Variants in MLX observed in about 807,000 individuals in gnomAD.
The protein encoded by MLX is max-like protein X.
Under a neutral mutation model 33.0 loss-of-function variants are expected in MLX, and 15 were observed. The ratio of observed to expected loss-of-function variants is 0.45; its 90% confidence interval spans 0.30 to 0.70. The LOEUF (loss-of-function observed/expected upper bound fraction) is 0.70. Among genes scored for constraint, MLX ranks in the 30% least tolerant of loss-of-function variants. The pLI is 0.07. For missense variants in MLX, 285 were observed against 306.3 expected (o/e 0.93, Z 0.52); for synonymous variants, 115 against 115.6 (o/e 0.99, Z 0.03).
chr17:42,568,405 G>A (rs2093017563), intron 2 of MLX, 65 bp from the exon 3 acceptor site: 1 of 1,073,946 alleles, frequency 9.3e-7, no homozygotes, highest in East Asian at 2.4e-5. Context: ...GTGTCCTACA[G>A]GTGTCTGAGG....
At chr17:42,569,122 C>A in intron 4 of MLX, 82 bp from the exon 5 acceptor site, 2 of 1,402,134 alleles carry the variant, frequency 1.4e-6, no homozygotes, top group Non-Finnish European at 2.0e-6. Context: ...GAGCATAGAA[C>A]TTGGTGTCAT....
intron 7 of MLX, 71 bp downstream of exon 7, chr17:42,570,254 C>T: frequency 6.7e-7 from 1 of 1,498,296 alleles, no homozygotes; most frequent in South Asian, 1.2e-5. Context: ...AAGCCATCAG[C>T]TGTTGAGAAA....
chr17:42,573,102 CTTACAAAGAACTGCTTCT>C lies in MLX; in HGVS notation c.*1501_*1518del. 1 of 1,614,248 alleles carries C rather than the reference CTTACAAAGAACTGCTTCT, an allele frequency of 6.2e-7. No homozygotes were observed. Among genetic ancestry groups the C allele is most frequent in the Non-Finnish European group, 8.5e-7 (1 of 1,180,034 alleles). On this transcript the variant is annotated 3_prime_UTR_variant, in exon 8 of 8. Coordinates refer to ENST00000435881, the MANE Select transcript of MLX (RefSeq NM_198204.2). ...GAAGCAAAGAAGGAAGAGAGCTCCA[CTTACAAAGAACTGCTTCT>C]TGCTCTTGGGGTATCCTTCAAGTAT...
At chr17:42,569,433 G>A (rs1176943585) in intron 5 of MLX, 74 bp from the exon 6 acceptor site, 46 of 1,513,512 alleles carry the variant, frequency 3.0e-5, no homozygotes, top group Non-Finnish European at 4.0e-5. Context: ...TGGGGTAAGG[G>A]GAACAAAGTC....
Position 42,572,663 on chromosome 17 carries a change from A to T in MLX, c.*1060A>T, listed in dbSNP as rs1567911273. The T allele has an allele frequency of 7.5e-6, 3 of 399,408 alleles. No homozygotes were observed. The highest frequency in any genetic ancestry group is 1.5e-5 in the Non-Finnish European group (3 of 201,156). 24.7% of individuals were successfully genotyped at this position (399,408 alleles called of 1,614,324 possible). A position where few individuals can be genotyped will look rare whatever the true frequency, so the allele number is the denominator to read the frequency against. On this transcript the variant is annotated 3_prime_UTR_variant, in exon 8 of 8. Transcript: ENST00000435881. ...TTTGACTATCCAGAGGAAATTAAAT[A>T]TTTTTATATAAAATTAAATTATAAT... is the stretch of plus-strand genomic sequence containing the variant.
rs778946049 is a variant in MLX, at chr17:42,573,004, C to T, written c.*1401C>T. Reference sequence around the variant, plus strand: ...GGAGTGTGACGTTGTAATCTTCATCCGTCTCTATCCCAACTTCCTCCTGTG... The same window carrying T: ...GGAGTGTGACGTTGTAATCTTCATCTGTCTCTATCCCAACTTCCTCCTGTG... On this transcript the variant is annotated 3_prime_UTR_variant, in exon 8 of 8. Transcript: ENST00000435881. The T allele has an allele frequency of 1.5e-5, 25 of 1,614,094 alleles. No individual in the cohort carries two copies. In the East Asian group the frequency reaches 2.4e-4, roughly 16 times the overall value.
rs1311742201 is a variant in MLX, at chr17:42,573,190, T to C, written c.*1587T>C. 3 of 1,614,102 alleles carry C rather than the reference T, an allele frequency of 1.9e-6. No homozygotes were observed. The East Asian group carries it at 6.7e-5, about 36-fold the overall frequency. On this transcript the variant is annotated 3_prime_UTR_variant, in exon 8 of 8. Coordinates refer to ENST00000435881, the MANE Select transcript of MLX (RefSeq NM_198204.2). ...GCCTGACAAGAAATAAAACCACCCG[T>C]TTTCAGATGGGCAGCACTGGGCACT...
intron 5 of MLX, 25 bp downstream of exon 5, chr17:42,569,328 G>A (rs778469851): frequency 1.2e-6 from 2 of 1,607,774 alleles, no homozygotes; most frequent in African/African-American, 1.3e-5. Flanking sequence ...AGCACTGGAG[G>A]GGATGGAGCC....
intron 1 of MLX, 146 bp from the exon 2 acceptor site, chr17:42,567,473 C>A: frequency 7.0e-7 from 1 of 1,432,066 alleles, no homozygotes; most frequent in South Asian, 1.3e-5. Context: ...GCTGCCCGCG[C>A]ACCCCGGGCT....
Position 42,571,722 on chromosome 17 carries a change from A to G in MLX, c.*119A>G. 2 of 980,398 alleles carry G rather than the reference A, an allele frequency of 2.0e-6. No individual in the cohort carries two copies. Among genetic ancestry groups the G allele is most frequent in the East Asian group, 2.4e-5 (1 of 41,136 alleles). 60.7% of individuals were successfully genotyped at this position (980,398 alleles called of 1,614,324 possible). Reference sequence around the variant, plus strand: ...ACCTCACACTGGTCAGCTGGTTTCTACTTGGTGTTTGGTTTTTCCCAGCCC... The same window carrying G: ...ACCTCACACTGGTCAGCTGGTTTCTGCTTGGTGTTTGGTTTTTCCCAGCCC... On this transcript the variant is annotated 3_prime_UTR_variant, in exon 8 of 8. Transcript: ENST00000435881.
chr17:42,569,334 GAGC>G (rs2093021614), intron 5 of MLX, 31 bp downstream of exon 5: 2 of 1,603,142 alleles, frequency 1.2e-6, no homozygotes, highest in African/African-American at 1.3e-5. Flanking sequence ...GGAGGGGATG[GAGC>G]CAAGCGGGGC....
Position 42,571,732 on chromosome 17 carries a change from T to C in MLX, c.*129T>C. On this transcript the variant is annotated 3_prime_UTR_variant, in exon 8 of 8. Coordinates refer to ENST00000435881, the MANE Select transcript of MLX (RefSeq NM_198204.2). ...GGTCAGCTGGTTTCTACTTGGTGTT[T>C]GGTTTTTCCCAGCCCCATTTTATCT... The C allele has an allele frequency of 2.3e-6, 2 of 887,576 alleles. 1 individual carries two copies. The highest frequency in any genetic ancestry group is 2.8e-5 in the South Asian group (2 of 71,236). The allele number at this position is 887,576 out of a possible 1,614,324, so 55.0% of individuals were successfully genotyped here.
In MLX at chr17:42,570,191, GCAA is replaced by G. The variant is rs1334530624; in HGVS notation, c.678+12_678+14del. The stretch of plus-strand genomic sequence containing the variant: ...GAGCACTGTAAGCCTCAGGTATGGG[GCAA>G]CAATAGGCACAGGGTCTGCGGTTTT... On this transcript the variant is annotated intron_variant, in intron 7 of 7. Transcript: ENST00000435881. 6.2e-7 allele frequency: 1 copy of G among 1,613,034 alleles called. No individual in the cohort carries two copies. Among genetic ancestry groups the G allele is most frequent in the Non-Finnish European group, 8.5e-7 (1 of 1,179,808 alleles).
At chr17:42,569,131 A>G (rs1339460030) in intron 4 of MLX, 73 bp from the exon 5 acceptor site, 57 of 1,448,138 alleles carry the variant, frequency 3.9e-5, no homozygotes, top group Non-Finnish European at 5.3e-5. Flanking sequence ...ACTTGGTGTC[A>G]TGGAGGAACT....
Position 42,570,189 on chromosome 17 carries a change from G to A in MLX, c.678+6G>A, listed in dbSNP as rs761442023. The stretch of plus-strand genomic sequence containing the variant: ...AGGAGCACTGTAAGCCTCAGGTATG[G>A]GGCAACAATAGGCACAGGGTCTGCG... On this transcript the variant is annotated splice_donor_region_variant and intron_variant, in intron 7 of 7. Transcript: ENST00000435881. 2 of 1,613,126 alleles carry A rather than the reference G, an allele frequency of 1.2e-6. No homozygotes were observed. Among genetic ancestry groups the A allele is most frequent in the East Asian group, 2.2e-5 (1 of 44,904 alleles).
At chr17:42,571,315 G>A (rs2093031256) in intron 7 of MLX, among the ~76,000 whole-genome samples, 1 of 151,986 alleles carries the variant, frequency 6.6e-6, no homozygotes, top group African/African-American at 2.4e-5. Flanking sequence ...TGTATTTTTA[G>A]TAGAGACGGG....
chr17:42,572,261 T>C lies in MLX; in HGVS notation c.*658T>C, dbSNP rs2093036998. Reference sequence around the variant, plus strand: ...TGGGTGGTAAGGGAAGCCCTCCCGGTTCCCACAGGCTATGATGCTGCATGG... The same window carrying C: ...TGGGTGGTAAGGGAAGCCCTCCCGGCTCCCACAGGCTATGATGCTGCATGG... On this transcript the variant is annotated 3_prime_UTR_variant, in exon 8 of 8. Coordinates refer to ENST00000435881, the MANE Select transcript of MLX (RefSeq NM_198204.2). 1 of 408,574 alleles carries C rather than the reference T, an allele frequency of 2.4e-6. No individual in the cohort carries two copies. The allele number at this position is 408,574 out of a possible 1,614,324, so 25.3% of individuals were successfully genotyped here.
Position 42,571,612 on chromosome 17 carries a change from T to TGG in MLX, c.*10_*11dup, listed in dbSNP as rs548731086. ...AAAACCAGCTTTACTGACCGGTTCT[T>TGG]GGAAACCTGGAGAACAGCCAACAAG... On this transcript the variant is annotated 3_prime_UTR_variant, in exon 8 of 8. Transcript: ENST00000435881. The TGG allele has an allele frequency of 3.5e-5, 57 of 1,612,048 alleles. No individual in the cohort carries two copies. The highest frequency in any genetic ancestry group is 4.2e-5 in the Non-Finnish European group (50 of 1,178,372).
intron 2 of MLX, chr17:42,567,974 A>T (rs1411487463): frequency 2.3e-6 from 1 of 439,680 alleles, no homozygotes; most frequent in African/African-American, 2.0e-5. Context: ...CAGTGTAGAC[A>T]CTAGGGAGCA....
Sources: gnomAD v4.1 joint callset for allele counts (sites outside exome capture counted in the v4.1 genomes callset) on GRCh38, gnomAD v4.1.1 for gene constraint, MANE v1.5 for transcripts, NCBI Gene and HGNC (gene_info 2026-07-23, HGNC 2026-07-21) for gene names.